The following SUSD6 variants were observed in gnomAD, a reference collection of about 807,000 sequenced individuals.
The protein encoded by SUSD6 is sushi domain-containing protein 6.
Under a neutral mutation model 28.4 loss-of-function variants are expected in SUSD6, and 16 were observed. The observed-to-expected ratio is 0.56, with a 90% CI of 0.38 to 0.86. The LOEUF (loss-of-function observed/expected upper bound fraction) is 0.86. Ranked by LOEUF, SUSD6 falls within the 40% of genes least tolerant of loss-of-function variation. The pLI, the probability that SUSD6 is intolerant of heterozygous loss-of-function variation, is 0.00. For missense variants in SUSD6, 341 were observed against 384.2 expected, an observed-to-expected ratio of 0.89 and a Z score of 0.94; for synonymous variants, 147 against 159.6, an observed-to-expected ratio of 0.92 and a Z score of 0.59.
chr14:69,693,523 C>T (rs980459610), intron 2 of SUSD6, among the ~76,000 whole-genome samples: 5 of 152,166 alleles, frequency 3.3e-5, no homozygotes, highest in African/African-American at 1.2e-4. Context: ...TCTGCCTGCC[C>T]CCTCTCCAAA....
intron 2 of SUSD6, among the ~76,000 whole-genome samples, chr14:69,679,408 A>T (rs1439524497): frequency 6.6e-6 from 1 of 152,158 alleles, no homozygotes; most frequent in East Asian, 1.9e-4. Context: ...TAAAATTTTT[A>T]GTTCTATTTT....
At position 69,661,930 on chromosome 14, in the gene SUSD6, G is replaced by A. The variant is rs534440234; in HGVS notation, c.121+3217G>A. Among the ~76,000 whole-genome samples, 10 of 152,246 alleles carry A rather than the reference G, an allele frequency of 6.6e-5. No homozygotes were observed. The South Asian group carries it at 2.1e-3, about 32-fold the overall frequency. On this transcript the variant is annotated intron_variant, in intron 2 of 5. Transcript: ENST00000342745. ...TCCTCCCATCTCAGCCTCCTGAGTA[G>A]CTGGGACCATAGGCATGCACCACCA... is the stretch of plus-strand genomic sequence containing the variant.
chr14:69,654,316 G>A (rs1000585386), intron 1 of SUSD6, among the ~76,000 whole-genome samples: 7 of 152,188 alleles, frequency 4.6e-5, no homozygotes, highest in Middle Eastern at 3.2e-3. Context: ...TGAAGATTCC[G>A]AGTTGAGTAA....
intron 2 of SUSD6, among the ~76,000 whole-genome samples, chr14:69,659,771 G>A (rs1399305681): frequency 6.6e-6 from 1 of 152,122 alleles, no homozygotes; most frequent in East Asian, 1.9e-4. Flanking sequence ...CACCCACCTT[G>A]GCCTCCCAAA....
rs149222456 is a variant in SUSD6 at position 69,644,132 on chromosome 14, C to T, written c.-80-14381C>T. On this transcript the variant is annotated intron_variant, in intron 1 of 5. Transcript: ENST00000342745. The stretch of plus-strand genomic sequence containing the variant: ...ACAGTAGACCGTAAACTCTTAAGGG[C>T]GTATGCTTCCTTTACCTCTCAAGGA... Among the ~76,000 whole-genome samples the T allele has an allele frequency of 5.8e-4, 89 of 152,252 alleles. 1 individual carries two copies. The South Asian group carries it at 0.01, about 17-fold the overall frequency.
At chr14:69,685,713 G>A (rs186129540) in intron 2 of SUSD6, among the ~76,000 whole-genome samples, 4 of 152,338 alleles carry the variant, frequency 2.6e-5, no homozygotes, top group Admixed American at 2.0e-4. Flanking sequence ...AAAGGGTCAA[G>A]AAATCTTAAA....
intron 2 of SUSD6, among the ~76,000 whole-genome samples, chr14:69,673,722 A>G (rs1404162556): frequency 1.3e-5 from 2 of 152,096 alleles, no homozygotes; most frequent in African/African-American, 4.8e-5. Flanking sequence ...AGTGAGTTCT[A>G]AAAGTCTGCA....
intron 1 of SUSD6, among the ~76,000 whole-genome samples, chr14:69,652,878 C>T (rs1025400887): frequency 6.6e-6 from 1 of 152,196 alleles, no homozygotes; most frequent in African/African-American, 2.4e-5. Flanking sequence ...AGAAGCCCAC[C>T]GTGCGTGTCA....
intron 2 of SUSD6, among the ~76,000 whole-genome samples, chr14:69,685,138 C>T (rs957699484): frequency 3.9e-5 from 6 of 152,216 alleles, no homozygotes; most frequent in African/African-American, 1.4e-4. Flanking sequence ...GAGAAAGCAG[C>T]AAGCCCAGAG....
intron 1 of SUSD6, among the ~76,000 whole-genome samples, chr14:69,628,133 A>T (rs1443336984): frequency 6.6e-6 from 1 of 151,824 alleles, no homozygotes; most frequent in Non-Finnish European, 1.5e-5. Flanking sequence ...GGGTTTCACC[A>T]TGTTGGCCAG....
chr14:69,703,911 T>G, intron 3 of SUSD6: 1 of 391,110 alleles, frequency 2.6e-6, no homozygotes, highest in Non-Finnish European at 4.7e-6. Flanking sequence ...ACAATGCTAA[T>G]ACCTTCTCTA....
intron 1 of SUSD6, among the ~76,000 whole-genome samples, chr14:69,622,647 G>A (rs1465204581): frequency 2.5e-4 from 38 of 152,140 alleles, no homozygotes. Context: ...AGGCTGGAGT[G>A]CAGTGGTGCG....
chr14:69,654,880 C>T (rs370576137), intron 1 of SUSD6, among the ~76,000 whole-genome samples: 1 of 150,022 alleles, frequency 6.7e-6, no homozygotes, highest in Non-Finnish European at 1.5e-5. Context: ...CCACAACCTC[C>T]GCCTCCTGGG....
chr14:69,625,725 T>C (rs1234872373), intron 1 of SUSD6, among the ~76,000 whole-genome samples: 1 of 152,120 alleles, frequency 6.6e-6, no homozygotes, highest in African/African-American at 2.4e-5. Flanking sequence ...TTGTTTCCTC[T>C]CTCCGCCTCC....
intron 4 of SUSD6, among the ~76,000 whole-genome samples, chr14:69,707,225 T>C (rs751133281): frequency 3.9e-5 from 6 of 152,182 alleles, no homozygotes; most frequent in African/African-American, 4.8e-5. Context: ...ATTTCTGGGA[T>C]CTGATGATGT....
intron 2 of SUSD6, among the ~76,000 whole-genome samples, chr14:69,688,789 G>A (rs1490487018): frequency 6.6e-6 from 1 of 152,178 alleles, no homozygotes; most frequent in Non-Finnish European, 1.5e-5. Context: ...CTTCTTCAGT[G>A]GGATTGGTAC....
In SUSD6 at chr14:69,709,018, G is replaced by A. The variant is rs779071944; in HGVS notation, c.800G>A (p.Arg267His). The A allele has an allele frequency of 5.0e-6, 8 of 1,613,980 alleles. No individual in the cohort carries two copies. The highest frequency in any genetic ancestry group is 4.5e-5 in the East Asian group (2 of 44,872). ...TCCTGGGTGGCCGGCTCAGGGAACC[G>A]CCAACTGGCACACAAAGAAACTGCA... ...TSSWVAGSGN[R>H]QLAHKETADS... The change falls in exon 5 of 6, where the codon CGC becomes CAC. Residue 267 changes from arginine to histidine, a missense_variant. By Grantham distance (29) the Arg-to-His change is conservative. Transcript: ENST00000342745.
intron 1 of SUSD6, among the ~76,000 whole-genome samples, chr14:69,636,668 T>G (rs990771865): frequency 2.0e-5 from 3 of 152,246 alleles, no homozygotes; most frequent in Non-Finnish European, 4.4e-5. Context: ...TTTTTTCTCA[T>G]GAGCTGTTCC....
chr14:69,651,730 T>C (rs1258105292), intron 1 of SUSD6, among the ~76,000 whole-genome samples: 1 of 152,144 alleles, frequency 6.6e-6, no homozygotes. Flanking sequence ...TAAGGTCCAA[T>C]AAGTGTTTAG....
Sources: gnomAD v4.1 joint callset for allele counts (sites outside exome capture counted in the v4.1 genomes callset) on GRCh38, gnomAD v4.1.1 for gene constraint, MANE v1.5 for transcripts, NCBI Gene and HGNC (gene_info 2026-07-23, HGNC 2026-07-21) for gene names.